Variants in FAM200B observed in about 807,000 individuals in gnomAD.
FAM200B encodes zinc finger BED-type containing 11.
A neutral mutation model predicts 33.1 loss-of-function variants in FAM200B; 32 were observed. The observed-to-expected ratio is 0.97, with a 90% CI of 0.73 to 1.30. The LOEUF (loss-of-function observed/expected upper bound fraction) is 1.30. Among genes scored for constraint, FAM200B ranks in the 50% most tolerant of loss-of-function variants. The pLI is 0.00. For missense variants in FAM200B, 741 were observed against 754.0 expected, an observed-to-expected ratio of 0.98 and a Z score of 0.20; for synonymous variants, 240 against 264.8, an observed-to-expected ratio of 0.91 and a Z score of 0.91.
Position 15,688,063 on chromosome 4 carries a change from TA to T in FAM200B, c.1087del (p.Ser363AlafsTer33). On this transcript the variant is annotated frameshift_variant, in exon 2 of 2. Transcript: ENST00000422728. LOFTEE classifies it high-confidence loss of function. ...VNFIKGSSLN[S>X]RLLETFCSEI... is the part of the protein sequence containing the mutation. ...ATTTTATTAAAGGAAGCTCATTGAATAGCCGGCTTCTTGAAACATTTTGTTC... is the reference window on the plus strand; with the variant it reads ...ATTTTATTAAAGGAAGCTCATTGAATGCCGGCTTCTTGAAACATTTTGTTC... 1 of 1,551,258 alleles carries T rather than the reference TA, an allele frequency of 6.4e-7. No individual in the cohort carries two copies. The highest frequency in any genetic ancestry group is 2.4e-5 in the East Asian group (1 of 40,872).
chr4:15,643,480 T>A, the FAM200B span, among the ~76,000 whole-genome samples: 5 of 152,248 alleles, frequency 3.3e-5, no homozygotes, highest in Admixed American at 3.3e-4. Flanking sequence ...TACCCAGTAA[T>A]ATCTTTAGCT....
chr4:15,655,893 C>T, the FAM200B span, among the ~76,000 whole-genome samples: 2 of 152,248 alleles, frequency 1.3e-5, no homozygotes, highest in Non-Finnish European at 2.9e-5. Flanking sequence ...GCCTGGCTCC[C>T]ACCCAGCGGT....
the FAM200B span, chr4:15,659,838 G>T: frequency 1.8e-6 from 1 of 570,854 alleles, no homozygotes; most frequent in Non-Finnish European, 2.2e-6. Flanking sequence ...GGTTCCATGT[G>T]TATGGCCTGA....
chr4:15,652,406 G>T, the FAM200B span, among the ~76,000 whole-genome samples: 1 of 152,136 alleles, frequency 6.6e-6, no homozygotes, highest in Non-Finnish European at 1.5e-5. Flanking sequence ...TAAGTCCCCA[G>T]CTATAAAACA....
At chr4:15,676,626 A>G in the FAM200B span, among the ~76,000 whole-genome samples, 1 of 152,270 alleles carries the variant, frequency 6.6e-6, no homozygotes, top group South Asian at 2.1e-4. Context: ...ACAGGGTCAT[A>G]CATTTCCTTC....
At chr4:15,672,665 G>A in the FAM200B span, among the ~76,000 whole-genome samples, 43,457 of 152,042 alleles carry the variant, frequency 0.29, 6,446 homozygotes, top group East Asian at 0.47. Flanking sequence ...AGTGGTGAGT[G>A]AAAGTGAAGG....
the FAM200B span, chr4:15,655,458 C>G: frequency 1.1e-6 from 1 of 909,268 alleles, no homozygotes; most frequent in Non-Finnish European, 1.3e-6. Flanking sequence ...CGCCGCCATG[C>G]GATCCCTGCG....
chr4:15,661,599 T>C, the FAM200B span, among the ~76,000 whole-genome samples: 10 of 152,200 alleles, frequency 6.6e-5, no homozygotes, highest in Admixed American at 1.3e-4. Context: ...TGACAGAAAA[T>C]AGAAAATAAC....
At position 15,688,616 on chromosome 4, in the gene FAM200B, G is replaced by C. The variant is rs1168100044; in HGVS notation, c.1639G>C (p.Glu547Gln). Reference protein sequence around the residue: ...VKDPFAFRHPESIIELNLVPE... With the variant: ...VKDPFAFRHPQSIIELNLVPE... ...AGATCCATTTGCTTTTCGACACCCT[G>C]AATCAATAATTGAGCTAAACTTGGT... Residue 547 changes from glutamate to glutamine, a missense_variant, in exon 2 of 2, where the codon GAA (glutamate) becomes CAA (glutamine). Coordinates refer to ENST00000422728, the MANE Select transcript of FAM200B (RefSeq NM_001145191.2). 6.4e-7 allele frequency: 1 copy of C among 1,551,180 alleles called. No homozygotes were observed. Among genetic ancestry groups the C allele is most frequent in the East Asian group, 2.4e-5 (1 of 40,900 alleles).
chr4:15,663,867 A>G, the FAM200B span, among the ~76,000 whole-genome samples: 2 of 152,278 alleles, frequency 1.3e-5, no homozygotes, highest in African/African-American at 4.8e-5. Context: ...ATCACTGTTC[A>G]TTGACTTACC....
the FAM200B span, chr4:15,655,309 C>T: frequency 1.4e-6 from 2 of 1,379,846 alleles, no homozygotes; most frequent in East Asian, 3.4e-5. Context: ...CAGCCTCCGC[C>T]TCAGCAGCCG....
the FAM200B span, among the ~76,000 whole-genome samples, chr4:15,652,879 T>A: frequency 7.0e-6 from 1 of 142,410 alleles, no homozygotes; most frequent in South Asian, 2.2e-4. Context: ...TATAGTTTTA[T>A]TGTAAACTGT....
the FAM200B span, among the ~76,000 whole-genome samples, chr4:15,661,356 T>A: frequency 6.6e-6 from 1 of 152,022 alleles, no homozygotes; most frequent in Non-Finnish European, 1.5e-5. Flanking sequence ...GGATAGTGAG[T>A]CTCCAGAGTA....
At chr4:15,647,222 C>CAAAAAAAA in the FAM200B span, among the ~76,000 whole-genome samples, 7 of 36,482 alleles carry the variant, frequency 1.9e-4, no homozygotes, top group African/African-American at 2.3e-4. Context: ...GACTCCATCT[C>CAAAAAAAA]AAAAAAAAAA....
At chr4:15,648,502 G>A in the FAM200B span, among the ~76,000 whole-genome samples, 6 of 152,024 alleles carry the variant, frequency 3.9e-5, no homozygotes, top group Admixed American at 3.9e-4. Context: ...CCACAAATGA[G>A]TAAAGAAAAT....
At chr4:15,659,101 A>T in the FAM200B span, among the ~76,000 whole-genome samples, 1 of 152,210 alleles carries the variant, frequency 6.6e-6, no homozygotes, top group Admixed American at 6.5e-5. Flanking sequence ...ATATTTAATG[A>T]CAAAAAATCA....
At chr4:15,666,191 G>A in the FAM200B span, among the ~76,000 whole-genome samples, 1 of 152,108 alleles carries the variant, frequency 6.6e-6, no homozygotes, top group South Asian at 2.1e-4. Flanking sequence ...TTGAGCCCAG[G>A]AGTTCAAAAC....
chr4:15,687,698 CTT>C lies in FAM200B; in HGVS notation c.724_725del (p.Leu242SerfsTer10), dbSNP rs1440862572. 2 of 1,551,158 alleles carry C rather than the reference CTT, an allele frequency of 1.3e-6. No individual in the cohort carries two copies. The highest frequency in any genetic ancestry group is 1.7e-6 in the Non-Finnish European group (2 of 1,146,764). On this transcript the variant is annotated frameshift_variant, in exon 2 of 2. Coordinates refer to ENST00000422728, the MANE Select transcript of FAM200B (RefSeq NM_001145191.2). LOFTEE classifies it high-confidence loss of function. ...CACTGATATTGGAAGCTGCACAACACTTTTAGTTTATGTCAGATATGCGTGGC... is the reference window on the plus strand; with the variant it reads ...CACTGATATTGGAAGCTGCACAACACTTAGTTTATGTCAGATATGCGTGGC... ...ESTDIGSCTTLLVYVRYAWQD... is the reference protein window; with the variant it reads ...ESTDIGSCTTXLVYVRYAWQD...
chr4:15,665,875 C>T, the FAM200B span, among the ~76,000 whole-genome samples: 1 of 152,154 alleles, frequency 6.6e-6, no homozygotes, highest in African/African-American at 2.4e-5. Context: ...CCTGTTCTGA[C>T]ACCCTCCAAA....
Sources: allele counts gnomAD v4.1 joint callset (sites outside exome capture counted in the v4.1 genomes callset), GRCh38; gene constraint gnomAD v4.1.1; transcripts MANE v1.5; gene names NCBI Gene and HGNC (gene_info 2026-07-23, HGNC 2026-07-21).